The following RHOH variants were observed in gnomAD, a reference collection of about 807,000 sequenced individuals.
RHOH encodes the protein rho-related GTP-binding protein RhoH.
A neutral mutation model predicts 13.8 loss-of-function variants in RHOH; 6 were observed. The ratio of observed to expected loss-of-function variants is 0.44; its 90% CI spans 0.24 to 0.86. The LOEUF (loss-of-function observed/expected upper bound fraction) is 0.86, where lower values mean the gene tolerates loss of function less well. RHOH is among the 40% of genes least tolerant of loss of function. The pLI, the probability that RHOH is intolerant of heterozygous loss-of-function variation, is 0.24. For missense variants in RHOH, 147 were observed against 244.5 expected, an observed-to-expected ratio of 0.60 and a Z score of 2.66; for synonymous variants, 117 against 103.0, an observed-to-expected ratio of 1.14 and a Z score of -0.82.
chr4:40,201,355 A>G (rs1432203676), intron 1 of RHOH, among the ~76,000 whole-genome samples: 2 of 151,746 alleles, frequency 1.3e-5, no homozygotes, highest in Non-Finnish European at 2.9e-5. Flanking sequence ...TGAATTTTCA[A>G]TGATTTCAAT....
At chr4:40,195,016 G>C (rs183565706), upstream of RHOH, among the ~76,000 whole-genome samples, 16 of 152,220 alleles carry the variant, frequency 1.1e-4, no homozygotes, top group East Asian at 2.9e-3. Context: ...TTTCTCCCGC[G>C]GGCAATGAGC....
chr4:40,234,744 CTTTTTTTTT>C (rs549802852), intron 1 of RHOH, among the ~76,000 whole-genome samples: 4 of 101,096 alleles, frequency 4.0e-5, no homozygotes, highest in African/African-American at 1.2e-4. Context: ...AAATCAGCAT[CTTTTTTTTT>C]TTTTTTTTTT....
intron 1 of RHOH, among the ~76,000 whole-genome samples, chr4:40,201,976 A>G (rs1724062734): frequency 7.7e-6 from 1 of 129,526 alleles, no homozygotes; most frequent in Non-Finnish European, 1.6e-5. Flanking sequence ...TTTTTAAGAC[A>G]GGGTCTTGTT....
intron 1 of RHOH, among the ~76,000 whole-genome samples, chr4:40,209,043 T>C (rs565364229): frequency 6.5e-4 from 99 of 152,250 alleles, no homozygotes; most frequent in African/African-American, 2.3e-3. Context: ...ATTGTTTGTA[T>C]ATAAAAAAGG....
chr4:40,210,266 G>A (rs1264628903), intron 1 of RHOH, among the ~76,000 whole-genome samples: 3 of 152,156 alleles, frequency 2.0e-5, no homozygotes, highest in African/African-American at 7.2e-5. Flanking sequence ...CCTACCAACG[G>A]GGACTTAAAG....
At chr4:40,238,942 G>A (rs1284544177) in intron 1 of RHOH, among the ~76,000 whole-genome samples, 1 of 152,040 alleles carries the variant, frequency 6.6e-6, no homozygotes, top group Non-Finnish European at 1.5e-5. Flanking sequence ...TGTAACCCGC[G>A]GCAGCTCACT....
At chr4:40,211,533 C>T (rs989236063) in intron 1 of RHOH, among the ~76,000 whole-genome samples, 1 of 152,114 alleles carries the variant, frequency 6.6e-6, no homozygotes, top group Non-Finnish European at 1.5e-5. Flanking sequence ...CTCGGCCTCC[C>T]AAAGTGTAAT....
At chr4:40,191,436 A>G (rs1385750449), upstream of RHOH, 2 of 152,202 alleles carry the variant, frequency 1.3e-5, no homozygotes, top group Non-Finnish European at 2.9e-5. Context: ...CTGTCTCTCA[A>G]GGATATTGTA....
At chr4:40,213,647 A>C (rs1356509774) in intron 1 of RHOH, among the ~76,000 whole-genome samples, 1 of 152,068 alleles carries the variant, frequency 6.6e-6, no homozygotes, top group Non-Finnish European at 1.5e-5. Context: ...AAAATTCCAG[A>C]TGGTACCTGG....
chr4:40,231,930 T>G (rs1320667409), intron 1 of RHOH, among the ~76,000 whole-genome samples: 1 of 152,252 alleles, frequency 6.6e-6, no homozygotes, highest in Non-Finnish European at 1.5e-5. Context: ...ATGTTTCTCT[T>G]TCTTCTCTGT....
intron 1 of RHOH, among the ~76,000 whole-genome samples, chr4:40,215,089 A>G (rs1459742347): frequency 2.6e-5 from 4 of 152,168 alleles, no homozygotes; most frequent in Non-Finnish European, 4.4e-5. Context: ...AACATGGCAA[A>G]TTCATTATCT....
At chr4:40,191,933 TG>T (rs1352613293), upstream of RHOH, among the ~76,000 whole-genome samples, 1 of 150,028 alleles carries the variant, frequency 6.7e-6, no homozygotes, top group Non-Finnish European at 1.5e-5. Flanking sequence ...TTAGGGAGGC[TG>T]GTTTTTTTTT....
intron 1 of RHOH, among the ~76,000 whole-genome samples, chr4:40,229,570 G>A (rs1727653884): frequency 1.3e-5 from 2 of 150,380 alleles, no homozygotes; most frequent in Non-Finnish European, 2.9e-5. Context: ...GGGGGTGGAG[G>A]TTGCAGTGAG....
At chr4:40,240,515 G>A (rs775894324) in intron 1 of RHOH, among the ~76,000 whole-genome samples, 36 of 152,126 alleles carry the variant, frequency 2.4e-4, no homozygotes, top group Non-Finnish European at 4.4e-4. Flanking sequence ...GGTGACTCAC[G>A]CCTGTAATCC....
chr4:40,220,275 C>T (rs1726394255), intron 1 of RHOH, among the ~76,000 whole-genome samples: 1 of 152,088 alleles, frequency 6.6e-6, no homozygotes, highest in African/African-American at 2.4e-5. Context: ...CTCCTCTCCC[C>T]CTCCCCACCC....
chr4:40,231,318 A>ATT (rs3071888), intron 1 of RHOH, among the ~76,000 whole-genome samples: 8,194 of 127,596 alleles, frequency 0.064, 428 homozygotes, highest in African/African-American at 0.11. Flanking sequence ...TTCTTAGGTG[A>ATT]TTTTTTTTTT....
At chr4:40,204,403 T>C (rs114743884) in intron 1 of RHOH, among the ~76,000 whole-genome samples, 1,593 of 152,366 alleles carry the variant, frequency 0.01, 29 homozygotes, top group African/African-American at 0.036. Context: ...ACGCGCTGAC[T>C]ATTCTATTCC....
chr4:40,198,770 T>A (rs2109348040), intron 1 of RHOH, among the ~76,000 whole-genome samples: 1 of 152,342 alleles, frequency 6.6e-6, no homozygotes, highest in African/African-American at 2.4e-5. Context: ...AGTTGGTTGA[T>A]GAATGATAAG....
chr4:40,196,816 CAT>C (rs751892972), upstream of RHOH: 1 of 149,114 alleles, frequency 6.7e-6, no homozygotes. Flanking sequence ...GGGAGAGAAA[CAT>C]AGTCTCGGAG....
Sources: gnomAD v4.1 joint callset for allele counts (sites outside exome capture counted in the v4.1 genomes callset) on GRCh38, gnomAD v4.1.1 for gene constraint, MANE v1.5 for transcripts, NCBI Gene and HGNC (gene_info 2026-07-23, HGNC 2026-07-21) for gene names.